The following TAF6L variants were observed in gnomAD, a reference collection of about 807,000 sequenced individuals.
TAF6L encodes TAF6-like RNA polymerase II p300/CBP-associated factor-associated factor 65 kDa subunit 6L.
TAF6L carries 34 observed loss-of-function variants against 57.3 expected under a neutral mutation model. The ratio of observed to expected loss-of-function variants is 0.59; its 90% CI spans 0.45 to 0.79. TAF6L has a LOEUF of 0.79. Ranked by LOEUF, TAF6L falls within the 30% of genes least tolerant of loss-of-function variation. The pLI, the probability that TAF6L is intolerant of heterozygous loss-of-function variation, is 0.00. For synonymous variants in TAF6L, 417 were observed against 376.3 expected (o/e 1.11, Z -1.25); for missense variants, 782 against 853.2 (o/e 0.92, Z 1.04).
intron 6 of TAF6L, among the ~76,000 whole-genome samples, chr11:62,779,976 A>ATATATAT (rs1294367864): frequency 1.5e-4 from 8 of 52,626 alleles, no homozygotes; most frequent in Non-Finnish European, 2.5e-4. Flanking sequence ...ATATATATAT[A>ATATATAT]TTTTTTTTTT....
In TAF6L at chr11:62,781,916, C is replaced by T. The variant is rs748109811; in HGVS notation, c.554C>T (p.Thr185Met). 166 of 1,614,140 alleles carry T rather than the reference C, an allele frequency of 1.0e-4. No individual in the cohort carries two copies. In the Middle Eastern group the frequency reaches 2.8e-3, roughly 27 times the overall value. ...TAGGTTGCACTCCAGGACTTGCAGA[C>T]GAACTCCAAGATTGGGGCACTCCTG... The part of the protein sequence containing the change: ...LMKVALQDLQ[T>M]NSKIGALLPY... The change falls in exon 7 of 11, where the codon ACG becomes ATG. Residue 185 changes from threonine to methionine, a missense_variant. This residue lies in a region of TAF6L where 220 missense variants were observed against 252.1 expected (regional missense o/e 0.87). Transcript: ENST00000294168.
At chr11:62,773,760 G>C (rs679626) in intron 1 of TAF6L, among the ~76,000 whole-genome samples, 1 of 151,994 alleles carries the variant, frequency 6.6e-6, no homozygotes, top group South Asian at 2.1e-4. Context: ...AAATTCTTAC[G>C]ACTGGTTTGG....
Position 62,786,423 on chromosome 11 carries a change from C to T in TAF6L, c.1089+35C>T, listed in dbSNP as rs753414777. ...GTCCCCTTCCAGCCTCCCTTCCCTG[C>T]ATGAGCTTAGCAGCCAAGCAGGCTT... On this transcript the variant is annotated intron_variant, in intron 10 of 10. Coordinates refer to ENST00000294168, the MANE Select transcript of TAF6L (RefSeq NM_006473.4). The T allele has an allele frequency of 1.1e-5, 18 of 1,604,506 alleles. No individual in the cohort carries two copies. The South Asian group carries it at 1.8e-4, about 16-fold the overall frequency.
At chr11:62,782,557 C>T in intron 8 of TAF6L, 136 bp from the exon 9 acceptor site, 1 of 1,315,976 alleles carries the variant, frequency 7.6e-7, no homozygotes, top group East Asian at 2.3e-5. Flanking sequence ...AGGCCAGTCA[C>T]CCCTGGCAGC....
Position 62,775,776 on chromosome 11 carries a change from C to T in TAF6L, c.-8C>T. Reference sequence around the variant, plus strand: ...TCTTCATTCTCCACTCCCAGCTCCACTGGGGCCATGTCAGAGCGAGAAGAG... The same window carrying T: ...TCTTCATTCTCCACTCCCAGCTCCATTGGGGCCATGTCAGAGCGAGAAGAG... On this transcript the variant is annotated 5_prime_UTR_variant, in exon 2 of 11. Transcript: ENST00000294168. 6.2e-7 allele frequency: 1 copy of T among 1,604,124 alleles called. No individual in the cohort carries two copies. Among genetic ancestry groups the T allele is most frequent in the Non-Finnish European group, 8.5e-7 (1 of 1,178,326 alleles).
intron 9 of TAF6L, among the ~76,000 whole-genome samples, chr11:62,785,487 C>CCAATCACA (rs2084264549): frequency 3.5e-5 from 5 of 143,526 alleles, no homozygotes; most frequent in East Asian, 2.1e-4. Flanking sequence ...CCACAGCGCC[C>CCAATCACA]GGCTGGTATT....
chr11:62,772,448 G>C (rs937600631), intron 1 of TAF6L, among the ~76,000 whole-genome samples: 5 of 151,846 alleles, frequency 3.3e-5, no homozygotes, highest in African/African-American at 1.2e-4. Context: ...GCTTGAACCA[G>C]GGAGGCAGAG....
At position 62,776,367 on chromosome 11, in the gene TAF6L, T is replaced by C. The variant is rs2084188095; in HGVS notation, c.148-17T>C. 6.2e-7 allele frequency: 1 copy of C among 1,612,928 alleles called. No individual in the cohort carries two copies. Among genetic ancestry groups the C allele is most frequent in the African/African-American group, 1.3e-5 (1 of 74,920 alleles). On this transcript the variant is annotated splice_polypyrimidine_tract_variant and intron_variant, in intron 2 of 10. Coordinates refer to ENST00000294168, the MANE Select transcript of TAF6L (RefSeq NM_006473.4). ...CTTCACATCCTTTGACTCTGGCTTT[T>C]GTTCCCTCCCTCCCAGAATAGCTCT...
chr11:62,782,397 A>C, intron 8 of TAF6L, 64 bp downstream of exon 8: 2 of 1,533,998 alleles, frequency 1.3e-6, no homozygotes, highest in South Asian at 2.3e-5. Flanking sequence ...GGGGTAAGGA[A>C]ATGGGGCGAA....
Position 62,782,098 on chromosome 11 carries a change from C to G in TAF6L, c.607-15C>G. On this transcript the variant is annotated splice_polypyrimidine_tract_variant and intron_variant, in intron 7 of 10. Coordinates refer to ENST00000294168, the MANE Select transcript of TAF6L (RefSeq NM_006473.4). ...TCCCCTCATGTCCCTGTAAGCTACC[C>G]TCTTCTCCCAACAGGTGAAATCTGT... The G allele has an allele frequency of 1.9e-6, 3 of 1,596,556 alleles. No homozygotes were observed. Among genetic ancestry groups the G allele is most frequent in the Non-Finnish European group, 1.7e-6 (2 of 1,170,270 alleles).
intron 6 of TAF6L, among the ~76,000 whole-genome samples, chr11:62,780,354 T>C (rs2084219623): frequency 6.8e-6 from 1 of 147,354 alleles, no homozygotes; most frequent in African/African-American, 2.5e-5. Context: ...CTACTAAAAA[T>C]ACAAAAATTA....
chr11:62,787,050 C>T lies in TAF6L; in HGVS notation c.1623C>T (p.Thr541=), dbSNP rs551295867. ...CACCCCGGCAGCAGGGCCCCGGGACCGGCACCCGCGACGTTTTCCAGAAGA... is the reference window on the plus strand; with the variant it reads ...CACCCCGGCAGCAGGGCCCCGGGACTGGCACCCGCGACGTTTTCCAGAAGA... The part of the protein sequence containing the change: ...RGAPRQQGPG[T]GTRDVFQKSR... The change falls in exon 11 of 11, where the codon ACC becomes ACT. Residue 541 remains threonine (T), a synonymous_variant. Transcript: ENST00000294168. 6.6e-7 allele frequency: 1 copy of T among 1,522,462 alleles called. No homozygotes were observed. Among genetic ancestry groups the T allele is most frequent in the Admixed American group, 2.0e-5 (1 of 50,260 alleles). The allele number at this position is 1,522,462 out of a possible 1,614,324, so 94.3% of individuals were successfully genotyped here. A position where few individuals can be genotyped will look rare whatever the true frequency, so the allele number is the denominator to read the frequency against.
chr11:62,774,584 C>T (rs896512918), intron 1 of TAF6L: 6 of 454,552 alleles, frequency 1.3e-5, no homozygotes, highest in African/African-American at 6.0e-5. Flanking sequence ...CTTTGGCGCA[C>T]GGGAGCCTAC....
Position 62,776,375 on chromosome 11 carries a change from C to T in TAF6L, c.148-9C>T. On this transcript the variant is annotated splice_polypyrimidine_tract_variant and intron_variant, in intron 2 of 10. Coordinates refer to ENST00000294168, the MANE Select transcript of TAF6L (RefSeq NM_006473.4). ...CCTTTGACTCTGGCTTTTGTTCCCT[C>T]CCTCCCAGAATAGCTCTCAGTTCAT... is the stretch of plus-strand genomic sequence containing the variant. The T allele has an allele frequency of 6.2e-7, 1 of 1,613,072 alleles. No homozygotes were observed. The highest frequency in any genetic ancestry group is 8.5e-7 in the Non-Finnish European group (1 of 1,179,372).
intron 6 of TAF6L, among the ~76,000 whole-genome samples, chr11:62,779,976 A>ATATATATATATAATTTTTTTTT (rs1294367864): frequency 3.4e-4 from 18 of 52,620 alleles, no homozygotes; most frequent in African/African-American, 1.4e-3. Flanking sequence ...ATATATATAT[A>ATATATATATATAATTTTTTTTT]TTTTTTTTTT....
At position 62,779,913 on chromosome 11, in the gene TAF6L, G is replaced by T. The variant is rs571036879; in HGVS notation, c.531+950G>T. ...ACTCCTGACCTCAGGTGATCCACCC[G>T]CCTCTGCCTCCCAAAGTGGTGGGAT... On this transcript the variant is annotated intron_variant, in intron 6 of 10. Transcript: ENST00000294168. Among the ~76,000 whole-genome samples, 6 of 139,858 alleles carry T rather than the reference G, an allele frequency of 4.3e-5. No homozygotes were observed. The South Asian group carries it at 1.4e-3, about 32-fold the overall frequency. The allele number at this position is 139,858 out of a possible 152,430, so 91.8% of individuals were successfully genotyped here.
chr11:62,786,173 A>T, intron 9 of TAF6L, 87 bp from the exon 10 acceptor site: 1 of 1,507,878 alleles, frequency 6.6e-7, no homozygotes, highest in Non-Finnish European at 9.0e-7. Flanking sequence ...AGGATCAGAG[A>T]TAAAGGTAGG....
At chr11:62,782,004 T>C in intron 7 of TAF6L, 36 bp downstream of exon 7, 1 of 1,611,312 alleles carries the variant, frequency 6.2e-7, no homozygotes, top group Non-Finnish European at 8.5e-7. Context: ...GAATGTTTTA[T>C]AAGGAAGAGA....
chr11:62,787,044 C>A lies in TAF6L; in HGVS notation c.1617C>A (p.Pro539=). 1 of 1,518,590 alleles carries A rather than the reference C, an allele frequency of 6.6e-7. No individual in the cohort carries two copies. The highest frequency in any genetic ancestry group is 8.8e-7 in the Non-Finnish European group (1 of 1,140,668). The allele number at this position is 1,518,590 out of a possible 1,614,324, so 94.1% of individuals were successfully genotyped here. A position where few individuals can be genotyped will look rare whatever the true frequency, so the allele number is the denominator to read the frequency against. ...RARGAPRQQG[P]GTGTRDVFQK... ...GCGGGGCACCCCGGCAGCAGGGCCC[C>A]GGGACCGGCACCCGCGACGTTTTCC... The change falls in exon 11 of 11, where the codon CCC becomes CCA. Residue 539 remains proline (P), a synonymous_variant. Transcript: ENST00000294168.
Sources: gnomAD v4.1 joint callset for allele counts (sites outside exome capture counted in the v4.1 genomes callset) on GRCh38, gnomAD v4.1.1 for gene constraint, gnomAD v4.1.1 regional missense constraint, MANE v1.5 for transcripts, NCBI Gene and HGNC (gene_info 2026-07-23, HGNC 2026-07-21) for gene names.